PLXNA4: variants seen among roughly 807,000 people sequenced by gnomAD.
PLXNA4 encodes the protein plexin A4.
A neutral mutation model predicts 191.8 loss-of-function variants in PLXNA4; 44 were observed. The ratio of observed to expected loss-of-function variants is 0.23; its 90% CI spans 0.18 to 0.29. The LOEUF (loss-of-function observed/expected upper bound fraction) is 0.29. Among genes scored for constraint, PLXNA4 ranks in the 10% least tolerant of loss-of-function variants. PLXNA4 has a pLI of 1.00. For missense variants in PLXNA4, 1,800 were observed against 2,488.8 expected (o/e 0.72, Z 5.89); for synonymous variants, 1,082 against 1,009.5 (o/e 1.07, Z -1.36).
chr7:132,571,757 A>T (rs563962296), intron 1 of PLXNA4, among the ~76,000 whole-genome samples: 16 of 152,362 alleles, frequency 1.1e-4, no homozygotes, highest in Admixed American at 3.9e-4. Context: ...AATTTGAAGC[A>T]GTCACCAGGG....
chr7:132,340,176 G>A (rs991729454), intron 3 of PLXNA4, among the ~76,000 whole-genome samples: 1 of 152,168 alleles, frequency 6.6e-6, no homozygotes, highest in Non-Finnish European at 1.5e-5. Context: ...TGGACTCCAC[G>A]TACATCCTTA....
At chr7:132,542,212 T>C (rs949703555) in intron 1 of PLXNA4, among the ~76,000 whole-genome samples, 4 of 152,178 alleles carry the variant, frequency 2.6e-5, no homozygotes, top group Non-Finnish European at 4.4e-5. Context: ...TTGATAATGA[T>C]AGCAGTAGTC....
intron 3 of PLXNA4, among the ~76,000 whole-genome samples, chr7:132,382,740 T>A (rs898628993): frequency 6.6e-6 from 1 of 152,184 alleles, no homozygotes; most frequent in African/African-American, 2.4e-5. Context: ...TAACACAGTA[T>A]AACAAGTGCT....
intron 23 of PLXNA4, among the ~76,000 whole-genome samples, chr7:132,164,920 G>A (rs1407037269): frequency 1.3e-5 from 2 of 152,218 alleles, no homozygotes; most frequent in Non-Finnish European, 2.9e-5. Context: ...CCGGCAGTAG[G>A]AAACTAGCCT....
chr7:132,400,659 T>C (rs999918929), intron 3 of PLXNA4, among the ~76,000 whole-genome samples: 12 of 152,290 alleles, frequency 7.9e-5, no homozygotes, highest in African/African-American at 2.9e-4. Flanking sequence ...AGGGGTACCA[T>C]CCGTATGCAT....
intron 2 of PLXNA4, among the ~76,000 whole-genome samples, chr7:132,586,197 C>A (rs775766123): frequency 2.2e-4 from 33 of 152,176 alleles, no homozygotes; most frequent in Non-Finnish European, 3.8e-4. Flanking sequence ...GAGCTCTGTT[C>A]TCAGACTAAT....
chr7:132,259,159 T>C (rs1181464482), intron 4 of PLXNA4, among the ~76,000 whole-genome samples: 7 of 152,056 alleles, frequency 4.6e-5, no homozygotes, highest in Non-Finnish European at 7.4e-5. Flanking sequence ...GTTCTTAGGA[T>C]ACCCTAAATG....
chr7:132,186,839 C>T (rs58241641), intron 15 of PLXNA4, among the ~76,000 whole-genome samples: 10,461 of 152,168 alleles, frequency 0.069, 516 homozygotes, highest in African/African-American at 0.14. Flanking sequence ...CCCTCTTTGC[C>T]TGGGGACCAG....
chr7:132,567,282 C>T (rs1174425301), intron 1 of PLXNA4, among the ~76,000 whole-genome samples: 1 of 151,982 alleles, frequency 6.6e-6, no homozygotes, highest in Non-Finnish European at 1.5e-5. Flanking sequence ...CTGCTAAATT[C>T]AGCTTGGTCT....
Position 132,126,836 on chromosome 7 carries a change from C to A in PLXNA4, c.*3643G>T, listed in dbSNP as rs1016940008. ...GGAATGTACCTTGGCCTGTGGGACA[C>A]TTGGGTTATCCACTGTTCCCAAATT... On this transcript the variant is annotated 3_prime_UTR_variant, in exon 32 of 32. Coordinates refer to ENST00000321063, the MANE Select transcript of PLXNA4 (RefSeq NM_020911.2). 6.6e-6 allele frequency: 1 copy of A among 152,182 alleles called. No individual in the cohort carries two copies. The highest frequency in any genetic ancestry group is 1.9e-4 in the East Asian group (1 of 5,196). The allele number at this position is 152,182 out of a possible 1,614,324, so 9.4% of individuals were successfully genotyped here.
chr7:132,355,050 G>T (rs937456888), intron 3 of PLXNA4, among the ~76,000 whole-genome samples: 1 of 152,210 alleles, frequency 6.6e-6, no homozygotes, highest in Non-Finnish European at 1.5e-5. Flanking sequence ...CACTTTGGAA[G>T]TTCAAAGAGC....
chr7:132,382,756 T>C (rs1804948476), intron 3 of PLXNA4, among the ~76,000 whole-genome samples: 1 of 152,222 alleles, frequency 6.6e-6, no homozygotes, highest in Non-Finnish European at 1.5e-5. Flanking sequence ...GTGCTTATTT[T>C]GCATTGCACA....
chr7:132,480,035 A>T (rs1055808308), intron 3 of PLXNA4, among the ~76,000 whole-genome samples: 3 of 152,160 alleles, frequency 2.0e-5, no homozygotes, highest in African/African-American at 7.2e-5. Context: ...CTAACCTCCC[A>T]TTCAATCATA....
At chr7:132,432,751 A>G (rs1027003156) in intron 3 of PLXNA4, among the ~76,000 whole-genome samples, 2 of 152,206 alleles carry the variant, frequency 1.3e-5, no homozygotes, top group African/African-American at 4.8e-5. Flanking sequence ...AAAAAATCTC[A>G]TCTAATTTTT....
intron 1 of PLXNA4, among the ~76,000 whole-genome samples, chr7:132,560,426 C>T (rs538688444): frequency 2.6e-5 from 4 of 152,248 alleles, no homozygotes; most frequent in Non-Finnish European, 4.4e-5. Flanking sequence ...AGTATGTTTA[C>T]GCCGAAACAT....
At chr7:132,430,922 G>A (rs60655106) in intron 3 of PLXNA4, among the ~76,000 whole-genome samples, 9,788 of 152,244 alleles carry the variant, frequency 0.064, 1,010 homozygotes, top group African/African-American at 0.22. Flanking sequence ...TGGGTGAAGC[G>A]GAAGAGTGGC....
chr7:132,267,995 T>A (rs539357113), intron 4 of PLXNA4, among the ~76,000 whole-genome samples: 47 of 152,308 alleles, frequency 3.1e-4, no homozygotes, highest in Non-Finnish European at 5.7e-4. Context: ...TTGGCTTGCT[T>A]GATTAGTTGG....
intron 5 of PLXNA4, among the ~76,000 whole-genome samples, chr7:132,231,563 T>C (rs1473102698): frequency 6.6e-6 from 1 of 152,210 alleles, no homozygotes; most frequent in East Asian, 1.9e-4. Context: ...TAGCTGGGAC[T>C]ACAGGCACAC....
At chr7:132,492,547 A>G (rs1797849737) in intron 2 of PLXNA4, among the ~76,000 whole-genome samples, 1 of 152,110 alleles carries the variant, frequency 6.6e-6, no homozygotes, top group Non-Finnish European at 1.5e-5. Context: ...CCCAAGTGAT[A>G]AAGGTGCCAT....
Sources: allele counts gnomAD v4.1 joint callset (sites outside exome capture counted in the v4.1 genomes callset), GRCh38; gene constraint gnomAD v4.1.1; transcripts MANE v1.5; gene names NCBI Gene and HGNC (gene_info 2026-07-23, HGNC 2026-07-21).